Variants in SKAP2 observed in about 807,000 individuals in gnomAD.
SKAP2 encodes src kinase-associated phosphoprotein 2.
In SKAP2, 28 loss-of-function variants were observed where a neutral mutation model predicts 54.9. The observed-to-expected ratio is 0.51, with a 90% CI of 0.38 to 0.70. SKAP2 has a LOEUF of 0.70. Ranked by LOEUF, SKAP2 falls within the 30% of genes least tolerant of loss-of-function variation. The pLI, the probability that SKAP2 is intolerant of heterozygous loss-of-function variation, is 0.00. For synonymous variants in SKAP2, 137 were observed against 134.3 expected (o/e 1.02, Z -0.14); for missense variants, 356 against 424.1 (o/e 0.84, Z 1.41).
At chr7:26,796,736 A>G (rs1418460513) in intron 4 of SKAP2, among the ~76,000 whole-genome samples, 1 of 152,250 alleles carries the variant, frequency 6.6e-6, no homozygotes, top group Non-Finnish European at 1.5e-5. Flanking sequence ...TTCTATTATA[A>G]GAATGCAGTA....
intron 9 of SKAP2, among the ~76,000 whole-genome samples, chr7:26,697,159 C>T (rs909261955): frequency 6.6e-6 from 1 of 152,058 alleles, no homozygotes. Flanking sequence ...ATGACTGGAC[C>T]GAGGGCACAC....
In SKAP2 at chr7:26,722,064, C is replaced by G. The variant is rs181956222; in HGVS notation, c.796+3364G>C. ...ATTATTACAATGTAAACAAACCTGA[C>G]TGGCCTATGCTAATAAGCAATAAGA... On this transcript the variant is annotated intron_variant, in intron 9 of 12. Transcript: ENST00000345317. Among the ~76,000 whole-genome samples the G allele has an allele frequency of 2.7e-3, 408 of 152,298 alleles. 1 individual carries two copies. The highest frequency in any genetic ancestry group is 2.4e-3 in the Non-Finnish European group (162 of 68,028).
intron 2 of SKAP2, among the ~76,000 whole-genome samples, chr7:26,854,450 T>C (rs1203691261): frequency 6.6e-6 from 1 of 152,056 alleles, no homozygotes; most frequent in Non-Finnish European, 1.5e-5. Context: ...AAGAATTCTC[T>C]TTCTTCAGTG....
At chr7:26,818,625 A>G (rs552499143) in intron 4 of SKAP2, among the ~76,000 whole-genome samples, 2 of 152,330 alleles carry the variant, frequency 1.3e-5, no homozygotes, top group Admixed American at 1.3e-4. Context: ...AACTGTCATC[A>G]GAGTGAACAG....
In SKAP2 at chr7:26,668,188, C is replaced by A. The variant is rs1370933455; in HGVS notation, c.*1478G>T. On this transcript the variant is annotated 3_prime_UTR_variant, in exon 13 of 13. Coordinates refer to ENST00000345317, the MANE Select transcript of SKAP2 (RefSeq NM_003930.5). ...TTTTAAAATATTACCAGCTCAGATA[C>A]ATGTTTAGAATCTTTATAAAGCAAA... is the stretch of plus-strand genomic sequence containing the variant. 6.6e-6 allele frequency: 1 copy of A among 151,912 alleles called. No individual in the cohort carries two copies. The highest frequency in any genetic ancestry group is 1.5e-5 in the Non-Finnish European group (1 of 67,992). The allele number at this position is 151,912 out of a possible 1,614,324, so 9.4% of individuals were successfully genotyped here.
chr7:26,733,969 T>C (rs970031599), intron 6 of SKAP2, among the ~76,000 whole-genome samples: 3 of 152,072 alleles, frequency 2.0e-5, no homozygotes, highest in Non-Finnish European at 4.4e-5. Context: ...GTTCATATCA[T>C]AATGTTGATT....
At chr7:26,774,045 G>C (rs1783246065) in intron 4 of SKAP2, among the ~76,000 whole-genome samples, 1 of 152,136 alleles carries the variant, frequency 6.6e-6, no homozygotes, top group Non-Finnish European at 1.5e-5. Flanking sequence ...GGACATGGTG[G>C]CTCATGCCCA....
chr7:26,663,475 C>T (rs10271515), downstream of SKAP2, among the ~76,000 whole-genome samples: 5,538 of 152,154 alleles, frequency 0.036, 339 homozygotes, highest in African/African-American at 0.13. Context: ...AGACCTTGTA[C>T]GTACTTATGT....
intron 9 of SKAP2, among the ~76,000 whole-genome samples, chr7:26,715,270 T>C (rs2127951709): frequency 6.6e-6 from 1 of 152,262 alleles, no homozygotes; most frequent in East Asian, 1.9e-4. Context: ...CTAAAAGTTT[T>C]GAATTCAATG....
chr7:26,755,870 A>G (rs926607352), intron 4 of SKAP2, among the ~76,000 whole-genome samples: 2 of 152,224 alleles, frequency 1.3e-5, no homozygotes, highest in African/African-American at 4.8e-5. Flanking sequence ...GTATAGCTTA[A>G]TACAGCTTTG....
intron 4 of SKAP2, among the ~76,000 whole-genome samples, chr7:26,764,392 G>A (rs889612831): frequency 5.3e-5 from 8 of 152,050 alleles, no homozygotes; most frequent in East Asian, 3.9e-4. Flanking sequence ...CTTCGTGTGC[G>A]TTCCTAGACG....
At chr7:26,746,891 T>A (rs190224607) in intron 4 of SKAP2, among the ~76,000 whole-genome samples, 118 of 152,268 alleles carry the variant, frequency 7.7e-4, no homozygotes, top group African/African-American at 2.7e-3. Flanking sequence ...ACATCTAGCA[T>A]AGAACTATTT....
chr7:26,762,286 A>C (rs1782950066), intron 4 of SKAP2, among the ~76,000 whole-genome samples: 2 of 152,128 alleles, frequency 1.3e-5, no homozygotes, highest in African/African-American at 4.8e-5. Flanking sequence ...ATTAAAATTA[A>C]AATTAAAAAT....
chr7:26,833,504 T>A (rs1013232852), intron 4 of SKAP2, among the ~76,000 whole-genome samples: 2 of 149,068 alleles, frequency 1.3e-5, no homozygotes, highest in African/African-American at 5.0e-5. Flanking sequence ...ATACAAAGGG[T>A]CAAAATAAAG....
intron 9 of SKAP2, among the ~76,000 whole-genome samples, chr7:26,703,402 G>A (rs959247591): frequency 6.6e-6 from 1 of 152,088 alleles, no homozygotes; most frequent in Non-Finnish European, 1.5e-5. Flanking sequence ...TACATTTTAA[G>A]CTTCAAAATA....
chr7:26,837,906 G>A (rs1449555703), intron 4 of SKAP2, among the ~76,000 whole-genome samples: 4 of 152,000 alleles, frequency 2.6e-5, no homozygotes, highest in African/African-American at 9.7e-5. Context: ...ACTCTTTTAA[G>A]AGCAGAGCAT....
At chr7:26,817,840 G>C (rs955238695) in intron 4 of SKAP2, among the ~76,000 whole-genome samples, 1 of 152,088 alleles carries the variant, frequency 6.6e-6, no homozygotes, top group African/African-American at 2.4e-5. Context: ...ATTCACAATT[G>C]CAACAAGAAG....
At chr7:26,719,553 GAAC>G (rs1387287585) in intron 9 of SKAP2, among the ~76,000 whole-genome samples, 1 of 152,130 alleles carries the variant, frequency 6.6e-6, no homozygotes, top group Non-Finnish European at 1.5e-5. Flanking sequence ...AGCCTCAAAA[GAAC>G]AACCCTATCA....
intron 4 of SKAP2, among the ~76,000 whole-genome samples, chr7:26,767,335 T>G (rs749957480): frequency 1.1e-4 from 16 of 152,196 alleles, no homozygotes; most frequent in Admixed American, 2.6e-4. Flanking sequence ...CATTTTTTAT[T>G]GTGTCTATTC....
Sources: gnomAD v4.1 joint callset for allele counts (sites outside exome capture counted in the v4.1 genomes callset) on GRCh38, gnomAD v4.1.1 for gene constraint, MANE v1.5 for transcripts, NCBI Gene and HGNC (gene_info 2026-07-23, HGNC 2026-07-21) for gene names.